The following FBRS variants were observed in gnomAD, a reference collection of about 807,000 sequenced individuals.
FBRS encodes the protein fibrosin.
A neutral mutation model predicts 86.1 loss-of-function variants in FBRS; 15 were observed. The observed-to-expected ratio is 0.17, with a 90% CI of 0.12 to 0.27. The LOEUF (loss-of-function observed/expected upper bound fraction) is 0.27. Among genes scored for constraint, FBRS ranks in the 10% least tolerant of loss-of-function variants. The pLI is 1.00. For synonymous variants in FBRS, 666 were observed against 575.8 expected (o/e 1.16, Z -2.24); for missense variants, 1,367 against 1,301.6 (o/e 1.05, Z -0.77).
chr16:30,663,744 A>G (rs1471499152), intron 6 of FBRS, among the ~76,000 whole-genome samples: 2 of 152,172 alleles, frequency 1.3e-5, no homozygotes, highest in African/African-American at 2.4e-5. Flanking sequence ...CATTGTTATT[A>G]TTGAGAAAAC....
Position 30,662,810 on chromosome 16 carries a change from G to C in FBRS, c.1006G>C (p.Gly336Arg), listed in dbSNP as rs755292875. The C allele has an allele frequency of 6.1e-6, 9 of 1,480,256 alleles. No homozygotes were observed. The highest frequency in any genetic ancestry group is 8.1e-6 in the Non-Finnish European group (9 of 1,110,262). 91.7% of individuals were successfully genotyped at this position (1,480,256 alleles called of 1,614,324 possible). ...GCTGCAGCTTCGGGTCTCACCCTTC[G>C]GCCTCCGCACTTCTCCATATGGCAG... ...PQLQLRVSPF[G>R]LRTSPYGSSL... The change falls in exon 6 of 18, where the codon GGC (glycine) becomes CGC (arginine). Residue 336 changes from glycine to arginine, a missense_variant. By Grantham distance (125) the Gly-to-Arg change is moderately radical. Coordinates refer to ENST00000356166, the MANE Select transcript of FBRS (RefSeq NM_001105079.3).
chr16:30,668,560 A>G lies in FBRS; in HGVS notation c.2075A>G (p.Asp692Gly), dbSNP rs1300433644. 3.1e-6 allele frequency: 5 copies of G among 1,610,300 alleles called. No homozygotes were observed. The South Asian group carries it at 5.5e-5, about 18-fold the overall frequency. ...GPFLSPSTHI[D>G]PFGRPTSFAS... ...TGACCACCCCCCTTTCCTCCCACAG[A>G]TCCCTTTGGGCGTCCCACAAGCTTC... The change falls in exon 16 of 18, where the codon GAT becomes GGT. Residue 692 changes from aspartate to glycine, a missense_variant and splice_region_variant. Asp to Gly is a moderately conservative substitution (Grantham distance 94). Around this residue, in one of 3 missense-constraint regions of FBRS, gnomAD observed 659 missense variants for 678.8 expected, o/e 0.97. Transcript: ENST00000356166.
chr16:30,663,389 G>C (rs1035409454), intron 6 of FBRS, among the ~76,000 whole-genome samples: 1 of 152,162 alleles, frequency 6.6e-6, no homozygotes, highest in African/African-American at 2.4e-5. Context: ...TATATGGGAT[G>C]ATTTCAGGTC....
chr16:30,660,355 G>A lies in FBRS; in HGVS notation c.552G>A (p.Gly184=), dbSNP rs2052443617. ...RKRGGSSGAT[G]EPGDSSDREP... ...GGGGGGGCTCCAGTGGGGCCACCGG[G>A]GAGCCAGGGGACAGCTCTGATCGAG... Residue 184 remains glycine (G), a synonymous_variant, in exon 2 of 18, where the codon GGG becomes GGA. Transcript: ENST00000356166. 14 of 1,287,666 alleles carry A rather than the reference G, an allele frequency of 1.1e-5. No individual in the cohort carries two copies. The highest frequency in any genetic ancestry group is 1.4e-5 in the Non-Finnish European group (14 of 1,008,186). The allele number at this position is 1,287,666 out of a possible 1,614,324, so 79.8% of individuals were successfully genotyped here. A position where few individuals can be genotyped will look rare whatever the true frequency, so the allele number is the denominator to read the frequency against.
At position 30,669,240 on chromosome 16, in the gene FBRS, C is replaced by CGCA; in HGVS notation, c.2544_2546dup (p.Ala849dup). On this transcript the variant is annotated inframe_insertion, in exon 18 of 18. Coordinates refer to ENST00000356166, the MANE Select transcript of FBRS (RefSeq NM_001105079.3). This position sits in a 1 kb window ranked among gnomAD's most constrained non-coding sequence, Gnocchi z 5.9. ...CTGCTGCCGCCGCCGCTGCCGCCGC[C>CGCA]GCAGCAGCCACTGGGCCCCAGGGCC... 2 of 1,551,962 alleles carry CGCA rather than the reference C, an allele frequency of 1.3e-6. No homozygotes were observed. Among genetic ancestry groups the CGCA allele is most frequent in the Non-Finnish European group, 1.7e-6 (2 of 1,148,072 alleles).
At position 30,662,262 on chromosome 16, in the gene FBRS, C is replaced by T; in HGVS notation, c.706-158C>T. 5 of 1,127,468 alleles carry T rather than the reference C, an allele frequency of 4.4e-6. No homozygotes were observed. The South Asian group carries it at 4.8e-5, about 11-fold the overall frequency. 69.8% of individuals were successfully genotyped at this position (1,127,468 alleles called of 1,614,324 possible). ...CACTCTGCTTTTTCTCCAAGCTCAGCCCCCTAGAGCCCAGTCTTTGATGGA... is the reference window on the plus strand; with the variant it reads ...CACTCTGCTTTTTCTCCAAGCTCAGTCCCCTAGAGCCCAGTCTTTGATGGA... On this transcript the variant is annotated intron_variant, in intron 4 of 17. Transcript: ENST00000356166.
In FBRS at chr16:30,668,865, C is replaced by G; in HGVS notation, c.2252C>G (p.Pro751Arg). 1 of 1,590,166 alleles carries G rather than the reference C, an allele frequency of 6.3e-7. No individual in the cohort carries two copies. The highest frequency in any genetic ancestry group is 1.1e-5 in the South Asian group (1 of 88,702). ...CCATGGGGCCGCCTGCACCGCAGTC[C>G]TCTGACCTTTCCTGCCTGGGTCCGG... is the stretch of plus-strand genomic sequence containing the variant. ...PDPWGRLHRSPLTFPAWVRPP... is the reference protein window; with the variant it reads ...PDPWGRLHRSRLTFPAWVRPP... The change falls in exon 17 of 18, where the codon CCT becomes CGT. Residue 751 changes from proline (P) to arginine (R), a missense_variant. By Grantham distance (103) the Pro-to-Arg change is moderately radical. Around this residue, in one of 3 missense-constraint regions of FBRS, gnomAD observed 659 missense variants for 678.8 expected, o/e 0.97. Coordinates refer to ENST00000356166, the MANE Select transcript of FBRS (RefSeq NM_001105079.3).
Position 30,664,413 on chromosome 16 carries a change from C to T in FBRS, c.1254C>T (p.Pro418=). Residue 418 remains proline, a synonymous_variant, in exon 7 of 18, where the codon CCC becomes CCT. Coordinates refer to ENST00000356166, the MANE Select transcript of FBRS (RefSeq NM_001105079.3). ...CCGGGCTGCGGCCCCCCCCACCACCCCACCACCCCTCCTTGTTCTCCCCTG... is the reference window on the plus strand; with the variant it reads ...CCGGGCTGCGGCCCCCCCCACCACCTCACCACCCCTCCTTGTTCTCCCCTG... ...PPPGLRPPPP[P]HHPSLFSPGP... is the part of the protein sequence containing the mutation. 7.1e-7 allele frequency: 1 copy of T among 1,414,374 alleles called. No homozygotes were observed. The highest frequency in any genetic ancestry group is 9.4e-7 in the Non-Finnish European group (1 of 1,059,728). The allele number at this position is 1,414,374 out of a possible 1,614,324, so 87.6% of individuals were successfully genotyped here.
intron 4 of FBRS, 95 bp downstream of exon 4, chr16:30,661,428 G>C: frequency 1.3e-6 from 2 of 1,546,328 alleles, no homozygotes; most frequent in Non-Finnish European, 1.7e-6. Context: ...GCCTTCCCTT[G>C]AGTGAGAAAC....
At position 30,669,600 on chromosome 16, in the gene FBRS, C is replaced by G; in HGVS notation, c.2898C>G (p.Pro966=). Residue 966 remains proline (P), a synonymous_variant, in exon 18 of 18, where the codon CCC becomes CCG. Coordinates refer to ENST00000356166, the MANE Select transcript of FBRS (RefSeq NM_001105079.3). The surrounding 1 kb of genome is among the most constrained non-coding windows in gnomAD (Gnocchi z 5.9). The part of the protein sequence containing the change: ...APPPLVPAPR[P]SSPPRGPGPA... ...CTCCGCTTGTGCCCGCCCCCCGGCC[C>G]AGTTCCCCACCTAGGGGCCCTGGCC... The G allele has an allele frequency of 6.2e-7, 1 of 1,609,936 alleles. No individual in the cohort carries two copies. The highest frequency in any genetic ancestry group is 2.2e-5 in the East Asian group (1 of 44,850).
rs941692006 is a variant in FBRS at position 30,665,520 on chromosome 16, T to C, written c.1705-118T>C. ...TGCCCATCCTCCTGCCCTGCCCTGC[T>C]GCACCCAGTTTTCTCCAAAGCCATG... On this transcript the variant is annotated intron_variant, in intron 10 of 17. Transcript: ENST00000356166. This position sits in a 1 kb window ranked among gnomAD's most constrained non-coding sequence, Gnocchi z 4.1. 9.1e-6 allele frequency: 13 copies of C among 1,426,246 alleles called. No homozygotes were observed. In the Admixed American group the frequency reaches 1.6e-4, roughly 17 times the overall value. 88.3% of individuals were successfully genotyped at this position (1,426,246 alleles called of 1,614,324 possible).
Position 30,659,416 on chromosome 16 carries a change from C to G in FBRS, c.-103C>G, listed in dbSNP as rs2052426001. 1 of 202,124 alleles carries G rather than the reference C, an allele frequency of 4.9e-6. No homozygotes were observed. Among genetic ancestry groups the G allele is most frequent in the Non-Finnish European group, 9.8e-6 (1 of 101,534 alleles). The allele number at this position is 202,124 out of a possible 1,614,324, so 12.5% of individuals were successfully genotyped here. ...GCTTTAAAGGAGAAGCCGTGGCCCTCTCGTCACTGTGCAGCCGCCAGCGCC... is the reference window on the plus strand; with the variant it reads ...GCTTTAAAGGAGAAGCCGTGGCCCTGTCGTCACTGTGCAGCCGCCAGCGCC... On this transcript the variant is annotated 5_prime_UTR_variant, in exon 1 of 18. Transcript: ENST00000356166.
At chr16:30,661,389 G>A (rs978504497) in intron 4 of FBRS, 56 bp downstream of exon 4, 1 of 1,550,588 alleles carries the variant, frequency 6.4e-7, no homozygotes, top group South Asian at 1.2e-5. Flanking sequence ...AGGGACTGCA[G>A]CATAAAGGTC....
chr16:30,663,164 A>G (rs1354780344), intron 6 of FBRS: 5 of 320,570 alleles, frequency 1.6e-5, no homozygotes, highest in Non-Finnish European at 2.7e-5. Context: ...CATGATGGTT[A>G]AGAGCGCTGG....
At chr16:30,660,896 G>T (rs1007147942) in intron 2 of FBRS, among the ~76,000 whole-genome samples, 6 of 152,040 alleles carry the variant, frequency 3.9e-5, no homozygotes, top group Non-Finnish European at 8.8e-5. Context: ...GTTGGGGAAA[G>T]CCCCCTAGGA....
chr16:30,666,600 G>C, intron 12 of FBRS, 59 bp downstream of exon 12: 1 of 1,612,612 alleles, frequency 6.2e-7, no homozygotes, highest in Non-Finnish European at 8.5e-7. Flanking sequence ...AGCATGTTTG[G>C]CTAAGGGGGG....
rs756713268 is a variant in FBRS at position 30,669,624 on chromosome 16, C to A, written c.2922C>A (p.Gly974=). 8.7e-6 allele frequency: 14 copies of A among 1,603,312 alleles called. No individual in the cohort carries two copies. The highest frequency in any genetic ancestry group is 1.2e-5 in the Non-Finnish European group (14 of 1,176,708). The change falls in exon 18 of 18, where the codon GGC becomes GGA. Residue 974 remains glycine, a synonymous_variant. Transcript: ENST00000356166. The surrounding 1 kb of genome is among the most constrained non-coding windows in gnomAD (Gnocchi z 5.9). ...PRPSSPPRGP[G]PARADR Reference sequence around the variant, plus strand: ...CCAGTTCCCCACCTAGGGGCCCTGGCCCAGCTCGGGCTGACAGGTGAGGGG... The same window carrying A: ...CCAGTTCCCCACCTAGGGGCCCTGGACCAGCTCGGGCTGACAGGTGAGGGG...
intron 4 of FBRS, among the ~76,000 whole-genome samples, chr16:30,661,708 G>A (rs1053220098): frequency 6.6e-6 from 1 of 152,192 alleles, no homozygotes; most frequent in African/African-American, 2.4e-5. Context: ...AGATAGAGTA[G>A]TGAGGACACT....
chr16:30,667,314 A>C lies in FBRS; in HGVS notation c.1876-6A>C. On this transcript the variant is annotated splice_region_variant and splice_polypyrimidine_tract_variant and intron_variant, in intron 13 of 17. Coordinates refer to ENST00000356166, the MANE Select transcript of FBRS (RefSeq NM_001105079.3). The stretch of plus-strand genomic sequence containing the variant: ...TGTACTGCCCCTCTCCCTGTGTCCC[A>C]CACAGGGTGACTCCCACAAGCTTGA... 1 of 1,547,830 alleles carries C rather than the reference A, an allele frequency of 6.5e-7. No homozygotes were observed. The highest frequency in any genetic ancestry group is 1.2e-5 in the South Asian group (1 of 83,782).
Sources: allele counts gnomAD v4.1 joint callset (sites outside exome capture counted in the v4.1 genomes callset), GRCh38; gene constraint gnomAD v4.1.1; regional missense constraint gnomAD v4.1.1; non-coding constraint Gnocchi (gnomAD v3.1); transcripts MANE v1.5; gene names NCBI Gene and HGNC (gene_info 2026-07-23, HGNC 2026-07-21).